CHD6: variants seen among roughly 807,000 people sequenced by gnomAD.
CHD6 encodes the protein ATP-dependent chromatin remodeler CHD6.
CHD6 carries 50 observed loss-of-function variants against 276.9 expected under a neutral mutation model. The ratio of observed to expected loss-of-function variants is 0.18; its 90% confidence interval spans 0.14 to 0.23. The LOEUF (loss-of-function observed/expected upper bound fraction) is 0.23. CHD6 is among the 10% of genes least tolerant of loss of function. CHD6 has a pLI of 1.00. For synonymous variants in CHD6, 1,173 were observed against 1,229.3 expected, an observed-to-expected ratio of 0.95 and a Z score of 0.96; for missense variants, 2,564 against 3,365.8, an observed-to-expected ratio of 0.76 and a Z score of 5.89.
chr20:41,413,157 A>G (rs950625915), intron 35 of CHD6, among the ~76,000 whole-genome samples, 167 bp downstream of exon 35: 2 of 152,226 alleles, frequency 1.3e-5, no homozygotes, highest in African/African-American at 2.4e-5. Flanking sequence ...AATTTAATCA[A>G]AATTTAAACT....
At position 41,421,704 on chromosome 20, in the gene CHD6, G is replaced by C; in HGVS notation, c.4931C>G (p.Thr1644Arg). The change falls in exon 31 of 37, where the codon ACA becomes AGA. Residue 1644 changes from threonine (T) to arginine (R), a missense_variant. Coordinates refer to ENST00000373233, the MANE Select transcript of CHD6 (RefSeq NM_032221.5). ...QTNSKLYESLTYSQMSRTSES... is the reference protein window; with the variant it reads ...QTNSKLYESLRYSQMSRTSES... ...TGAAGTCCTACTCATTTGAGAATAT[G>C]TAAGAGATTCATATAACTTGGAGTT... 1 of 1,614,160 alleles carries C rather than the reference G, an allele frequency of 6.2e-7. No homozygotes were observed.
chr20:41,521,547 C>T (rs998143671), intron 3 of CHD6, among the ~76,000 whole-genome samples: 4 of 152,130 alleles, frequency 2.6e-5, no homozygotes, highest in Non-Finnish European at 4.4e-5. Context: ...TATATATACA[C>T]ATATAATATG....
intron 1 of CHD6, among the ~76,000 whole-genome samples, chr20:41,553,288 A>G (rs60686372): frequency 2.0e-5 from 3 of 152,242 alleles, no homozygotes; most frequent in African/African-American, 4.8e-5. Context: ...CCTTCTTGTT[A>G]AAGAATGAAT....
chr20:41,612,732 A>G (rs1983805135), intron 1 of CHD6, among the ~76,000 whole-genome samples: 1 of 152,248 alleles, frequency 6.6e-6, no homozygotes, highest in South Asian at 2.1e-4. Flanking sequence ...CAAAGTAGAT[A>G]GAGTCCAGAT....
intron 2 of CHD6, among the ~76,000 whole-genome samples, chr20:41,548,908 G>C (rs1047245092): frequency 1.3e-4 from 20 of 151,830 alleles, no homozygotes; most frequent in African/African-American, 4.8e-4. Flanking sequence ...ATCATCACTG[G>C]CCATCAGAGA....
chr20:41,549,258 G>A (rs967892935), intron 2 of CHD6, among the ~76,000 whole-genome samples: 2 of 151,726 alleles, frequency 1.3e-5, no homozygotes, highest in East Asian at 1.9e-4. Context: ...GTCCAACAAC[G>A]ATAGACTGGA....
intron 1 of CHD6, among the ~76,000 whole-genome samples, chr20:41,572,274 G>A (rs76186568): frequency 6.6e-6 from 1 of 152,160 alleles, no homozygotes. Flanking sequence ...TGCTTTTGCT[G>A]TTCTTGCTCT....
chr20:41,553,464 T>C (rs565754199), intron 1 of CHD6, among the ~76,000 whole-genome samples: 53 of 152,392 alleles, frequency 3.5e-4, no homozygotes, highest in Non-Finnish European at 6.6e-4. Flanking sequence ...GGAAATGTTA[T>C]TGCTTCCTTA....
rs767786630 is a variant in CHD6 at position 41,491,777 on chromosome 20, G to A, written c.1357C>T (p.Arg453Cys). ...AGCTGGTTACTGTTCTTATACTCGC[G>A]AGACTTCTCAAGTTTCTGCCAGGAG... ...SDSWQKLEKS[R>C]EYKNSNQLRE... The change falls in exon 11 of 37, where the codon CGC (arginine) becomes TGC (cysteine). Residue 453 changes from arginine to cysteine, a missense_variant. Physicochemically the swap from Arg to Cys is radical, Grantham distance 180 (BLOSUM62 -3). Transcript: ENST00000373233. 2 of 1,613,762 alleles carry A rather than the reference G, an allele frequency of 1.2e-6. No homozygotes were observed. The highest frequency in any genetic ancestry group is 8.5e-7 in the Non-Finnish European group (1 of 1,179,804).
intron 2 of CHD6, among the ~76,000 whole-genome samples, chr20:41,549,906 C>A (rs1371984984): frequency 2.0e-5 from 3 of 152,222 alleles, no homozygotes; most frequent in Non-Finnish European, 4.4e-5. Flanking sequence ...TCAAGTGATT[C>A]TCCTGCCTCA....
rs986508646 is a variant in CHD6, at chr20:41,403,276, G to A, written c.*1317C>T. 8 of 1,062,542 alleles carry A rather than the reference G, an allele frequency of 7.5e-6. No individual in the cohort carries two copies. In the African/African-American group the frequency reaches 9.8e-5, roughly 13 times the overall value. The allele number at this position is 1,062,542 out of a possible 1,614,324, so 65.8% of individuals were successfully genotyped here. A position where few individuals can be genotyped will look rare whatever the true frequency, so the allele number is the denominator to read the frequency against. On this transcript the variant is annotated 3_prime_UTR_variant, in exon 37 of 37. Transcript: ENST00000373233. ...CGCAGCCCTGCGCCCCCAGAGTACT[G>A]AACCATGAGCTTACTTCAAGTCTCA... is the stretch of plus-strand genomic sequence containing the variant.
intron 26 of CHD6, among the ~76,000 whole-genome samples, chr20:41,438,481 T>C (rs1050439014): frequency 2.6e-5 from 4 of 151,998 alleles, no homozygotes; most frequent in Non-Finnish European, 5.9e-5. Flanking sequence ...TCCCAGCTAC[T>C]TGGGAGGCTG....
At position 41,514,850 on chromosome 20, in the gene CHD6, T is replaced by C. The variant is rs2044212429; in HGVS notation, c.657A>G (p.Pro219=). The change falls in exon 4 of 37, where the codon CCA becomes CCG. Residue 219 remains proline (P), a synonymous_variant. Transcript: ENST00000373233. ...TGGACTCCTCAGGACTCCGCAGAGATGGGTTCGTCAGGCCCTGATCCAGCT... is the reference window on the plus strand; with the variant it reads ...TGGACTCCTCAGGACTCCGCAGAGACGGGTTCGTCAGGCCCTGATCCAGCT... ...SLELDQGLTN[P]SLRSPEESTE... 3.1e-6 allele frequency: 5 copies of C among 1,614,064 alleles called. No individual in the cohort carries two copies. The highest frequency in any genetic ancestry group is 4.2e-6 in the Non-Finnish European group (5 of 1,179,958).
chr20:41,450,786 G>A (rs2048214798), intron 23 of CHD6, among the ~76,000 whole-genome samples, 160 bp downstream of exon 23: 1 of 152,214 alleles, frequency 6.6e-6, no homozygotes, highest in East Asian at 1.9e-4. Flanking sequence ...GCTGTAACAT[G>A]AATTCTGAGC....
At chr20:41,541,632 G>A (rs1446224507) in intron 2 of CHD6, among the ~76,000 whole-genome samples, 2 of 152,194 alleles carry the variant, frequency 1.3e-5, no homozygotes, top group Non-Finnish European at 2.9e-5. Context: ...AGTGAAGTTG[G>A]TGGGAAAAAA....
chr20:41,450,442 TTTTG>T (rs2145655077), intron 23 of CHD6, among the ~76,000 whole-genome samples: 1 of 152,220 alleles, frequency 6.6e-6, no homozygotes, highest in South Asian at 2.1e-4. Flanking sequence ...ATGAACAAAG[TTTTG>T]TTTTTCAATC....
intron 5 of CHD6, among the ~76,000 whole-genome samples, chr20:41,508,830 A>T (rs1282535263): frequency 1.3e-5 from 2 of 152,178 alleles, no homozygotes; most frequent in Non-Finnish European, 2.9e-5. Context: ...AAAAAATGCC[A>T]GTATAAGGAA....
chr20:41,456,940 G>T (rs2048393678), intron 18 of CHD6, among the ~76,000 whole-genome samples: 1 of 152,270 alleles, frequency 6.6e-6, no homozygotes, highest in Admixed American at 6.5e-5. Flanking sequence ...AAAGTCTGAG[G>T]TATGAGATAA....
At chr20:41,580,029 G>A (rs921465634) in intron 1 of CHD6, among the ~76,000 whole-genome samples, 1 of 152,118 alleles carries the variant, frequency 6.6e-6, no homozygotes, top group African/African-American at 2.4e-5. Flanking sequence ...TGGTATCAGT[G>A]TAGTTAAAAC....
Sources: gnomAD v4.1 joint callset for allele counts (sites outside exome capture counted in the v4.1 genomes callset) on GRCh38, gnomAD v4.1.1 for gene constraint, MANE v1.5 for transcripts, NCBI Gene and HGNC (gene_info 2026-07-23, HGNC 2026-07-21) for gene names.